DLGAP3: variants seen among roughly 807,000 people sequenced by gnomAD.
DLGAP3 encodes the protein DLG associated protein 3.
Under a neutral mutation model 81.2 loss-of-function variants are expected in DLGAP3, and 17 were observed. The observed-to-expected ratio is 0.21, with a 90% confidence interval of 0.14 to 0.31. The LOEUF (loss-of-function observed/expected upper bound fraction) is 0.31. Among genes scored for constraint, DLGAP3 ranks in the 10% least tolerant of loss-of-function variants. DLGAP3 has a pLI of 1.00. For synonymous variants in DLGAP3, 577 were observed against 587.4 expected (o/e 0.98, Z 0.26); for missense variants, 1,124 against 1,388.0 (o/e 0.81, Z 3.02).
intron 6 of DLGAP3, 82 bp downstream of exon 6, chr1:34,885,990 C>A: frequency 1.4e-6 from 2 of 1,394,176 alleles, no homozygotes; most frequent in Non-Finnish European, 2.0e-6. Context: ...CGGGTCACAG[C>A]ACAGTCGAGG....
chr1:34,927,318 A>G (rs1476944303), intron 1 of DLGAP3, among the ~76,000 whole-genome samples: 1 of 152,228 alleles, frequency 6.6e-6, no homozygotes, highest in Non-Finnish European at 1.5e-5. Context: ...CTCGTCTAAG[A>G]TTAGCCTAGG....
intron 5 of DLGAP3, among the ~76,000 whole-genome samples, chr1:34,899,278 C>T (rs1218160290): frequency 6.6e-6 from 1 of 152,154 alleles, no homozygotes; most frequent in Non-Finnish European, 1.5e-5. Context: ...CCGTGTTAGC[C>T]AGGCTGGTCT....
Position 34,888,337 on chromosome 1 carries a change from T to C in DLGAP3, c.1387-2052A>G, listed in dbSNP as rs560447457. On this transcript the variant is annotated intron_variant, in intron 5 of 11. Transcript: ENST00000373347. ...AGACCCAGAGAGGGCAGGTGAATTG[T>C]CTGAGGATGCCCAGCTGGTAGGTGA... Among the ~76,000 whole-genome samples, 19 of 152,312 alleles carry C rather than the reference T, an allele frequency of 1.2e-4. No homozygotes were observed. The South Asian group carries it at 3.5e-3, about 28-fold the overall frequency.
At position 34,889,481 on chromosome 1, in the gene DLGAP3, A is replaced by G. The variant is rs573420268; in HGVS notation, c.1387-3196T>C. On this transcript the variant is annotated intron_variant, in intron 5 of 11. Coordinates refer to ENST00000373347, the MANE Select transcript of DLGAP3 (RefSeq NM_001080418.3). ...ACCCTGCTTCCCCCAACATCCATTT[A>G]CAGGAGACTCAAAGTCAAAGAATCC... is the stretch of plus-strand genomic sequence containing the variant. 1.1e-4 allele frequency among the ~76,000 whole-genome samples: 16 copies of G among 152,348 alleles called. No individual in the cohort carries two copies. In the South Asian group the frequency reaches 3.3e-3, roughly 32 times the overall value.
chr1:34,897,604 C>T (rs1045622815), intron 5 of DLGAP3, among the ~76,000 whole-genome samples: 1 of 152,236 alleles, frequency 6.6e-6, no homozygotes, highest in East Asian at 1.9e-4. Flanking sequence ...TGGTTAGGTT[C>T]TTGATGTTTA....
intron 5 of DLGAP3, among the ~76,000 whole-genome samples, chr1:34,889,853 G>A (rs1639286857): frequency 6.6e-6 from 1 of 152,226 alleles, no homozygotes; most frequent in Admixed American, 6.5e-5. Context: ...AGCCAATGCT[G>A]CAAACAGCCC....
At chr1:34,880,428 T>C (rs922946897) in intron 8 of DLGAP3, among the ~76,000 whole-genome samples, 1 of 152,018 alleles carries the variant, frequency 6.6e-6, no homozygotes, top group Non-Finnish European at 1.5e-5. Context: ...CATAAATACA[T>C]GGTATTGGAA....
Position 34,904,723 on chromosome 1 carries a change from T to C in DLGAP3, c.661A>G (p.Thr221Ala), listed in dbSNP as rs1446183242. 6.2e-7 allele frequency: 1 copy of C among 1,612,464 alleles called. No homozygotes were observed. The highest frequency in any genetic ancestry group is 1.1e-5 in the South Asian group (1 of 91,068). The change falls in exon 3 of 12, where the codon ACC becomes GCC. Residue 221 changes from threonine to alanine, a missense_variant. Thr to Ala is a moderately conservative substitution (Grantham distance 58). Transcript: ENST00000373347. The surrounding 1 kb of genome is among the most constrained non-coding windows in gnomAD (Gnocchi z 8.1). ...TGGTGGTGATGGTGGTGATGGGAGGTGTGGGGGCCTCCAGAGCCCGGGCCG... is the reference window on the plus strand; with the variant it reads ...TGGTGGTGATGGTGGTGATGGGAGGCGTGGGGGCCTCCAGAGCCCGGGCCG... ...YPGPGSGGPH[T>A]SHHHHHHHHH...
intron 3 of DLGAP3, among the ~76,000 whole-genome samples, chr1:34,901,020 C>T (rs548527240): frequency 3.6e-4 from 55 of 152,066 alleles, no homozygotes; most frequent in African/African-American, 1.1e-3. Context: ...AGGGTGCTGC[C>T]GCTCACTGAG....
intron 8 of DLGAP3, among the ~76,000 whole-genome samples, chr1:34,875,872 CG>C (rs1220350351): frequency 2.0e-5 from 3 of 152,234 alleles, no homozygotes; most frequent in Non-Finnish European, 4.4e-5. Flanking sequence ...GTTCATCCTT[CG>C]GATCTCCACC....
rs375795603 is a variant in DLGAP3 at position 34,868,595 on chromosome 1, C to T, written c.2485+10G>A. ...CCCCAGAGTCCCCTTGTTCCGATGC[C>T]GTGACTCACTCTCCTCGGGTAGCTC... On this transcript the variant is annotated intron_variant, in intron 9 of 11. Coordinates refer to ENST00000373347, the MANE Select transcript of DLGAP3 (RefSeq NM_001080418.3). The surrounding 1 kb of genome is among the most constrained non-coding windows in gnomAD (Gnocchi z 7.5). 7.7e-5 allele frequency: 124 copies of T among 1,608,646 alleles called. No individual in the cohort carries two copies. Among genetic ancestry groups the T allele is most frequent in the Non-Finnish European group, 9.0e-5 (106 of 1,176,694 alleles).
In DLGAP3 at chr1:34,868,538, C is replaced by CA; in HGVS notation, c.2485+66dup. 1 of 1,398,248 alleles carries CA rather than the reference C, an allele frequency of 7.2e-7. No individual in the cohort carries two copies. Among genetic ancestry groups the CA allele is most frequent in the Non-Finnish European group, 1.0e-6 (1 of 990,118 alleles). 86.6% of individuals were successfully genotyped at this position (1,398,248 alleles called of 1,614,324 possible). A position where few individuals can be genotyped will look rare whatever the true frequency, so the allele number is the denominator to read the frequency against. ...ACACTGCAGCCCCAGCCACCCCCAT[C>CA]AGGGTCTCCTGAGCACACACGAGGC... On this transcript the variant is annotated intron_variant, in intron 9 of 11. Coordinates refer to ENST00000373347, the MANE Select transcript of DLGAP3 (RefSeq NM_001080418.3). This position sits in a 1 kb window ranked among gnomAD's most constrained non-coding sequence, Gnocchi z 7.5.
rs1054113008 is a variant in DLGAP3 at position 34,904,982 on chromosome 1, A to G, written c.402T>C (p.Asp134=). 3 of 1,613,256 alleles carry G rather than the reference A, an allele frequency of 1.9e-6. No individual in the cohort carries two copies. The highest frequency in any genetic ancestry group is 2.5e-6 in the Non-Finnish European group (3 of 1,179,692). Reference sequence around the variant, plus strand: ...GCTGGTATGGTAGTGTGTGGAAGCCATCTTGTTGAACTGGCAACTGCTTTT... The same window carrying G: ...GCTGGTATGGTAGTGTGTGGAAGCCGTCTTGTTGAACTGGCAACTGCTTTT... ...QFEKQLPVQQ[D]GFHTLPYQRG... is the part of the protein sequence containing the mutation. The change falls in exon 3 of 12, where the codon GAT becomes GAC. Residue 134 remains aspartate (D), a synonymous_variant. Coordinates refer to ENST00000373347, the MANE Select transcript of DLGAP3 (RefSeq NM_001080418.3). The surrounding 1 kb of genome is among the most constrained non-coding windows in gnomAD (Gnocchi z 8.1).
intron 8 of DLGAP3, among the ~76,000 whole-genome samples, chr1:34,883,941 G>A (rs912287657): frequency 3.3e-5 from 5 of 151,934 alleles, no homozygotes; most frequent in African/African-American, 1.2e-4. Context: ...TTTTTTTTGA[G>A]ATAGTCTCAC....
In DLGAP3 at chr1:34,904,072, A is replaced by T. The variant is rs1208401999; in HGVS notation, c.1107+205T>A. Among the ~76,000 whole-genome samples, 2 of 152,230 alleles carry T rather than the reference A, an allele frequency of 1.3e-5. No homozygotes were observed. The highest frequency in any genetic ancestry group is 4.8e-5 in the African/African-American group (2 of 41,464). ...CTAGGGACAGACACATCATTAGAAC[A>T]GAAGGGCCCCTTCATTGCACAAATG... On this transcript the variant is annotated intron_variant, in intron 3 of 11. Transcript: ENST00000373347. The surrounding 1 kb of genome is among the most constrained non-coding windows in gnomAD (Gnocchi z 8.1).
At chr1:34,879,225 C>T (rs1032681763) in intron 8 of DLGAP3, among the ~76,000 whole-genome samples, 3 of 152,038 alleles carry the variant, frequency 2.0e-5, no homozygotes, top group African/African-American at 4.8e-5. Flanking sequence ...TTCAACTCAT[C>T]ATAATGTAGA....
intron 11 of DLGAP3, 95 bp downstream of exon 11, chr1:34,866,953 T>G: frequency 6.9e-7 from 1 of 1,447,538 alleles, no homozygotes; most frequent in Non-Finnish European, 9.7e-7. Context: ...CATGGATCCC[T>G]TCCCCTGCCC....
rs987465721 is a variant in DLGAP3 at position 34,907,830 on chromosome 1, G to A, written c.-134-393C>T. ...TTTAAGAGTGGTCCCTGTCCTCGAGGGGTTTATAGTCTAACAGGGGAACAA... is the reference window on the plus strand; with the variant it reads ...TTTAAGAGTGGTCCCTGTCCTCGAGAGGTTTATAGTCTAACAGGGGAACAA... On this transcript the variant is annotated intron_variant, in intron 1 of 11. Coordinates refer to ENST00000373347, the MANE Select transcript of DLGAP3 (RefSeq NM_001080418.3). 2.0e-5 allele frequency among the ~76,000 whole-genome samples: 3 copies of A among 152,140 alleles called. No individual in the cohort carries two copies. In the South Asian group the frequency reaches 6.2e-4, roughly 32 times the overall value.
chr1:34,920,531 G>C (rs1211815511), intron 1 of DLGAP3, among the ~76,000 whole-genome samples: 1 of 152,156 alleles, frequency 6.6e-6, no homozygotes, highest in Non-Finnish European at 1.5e-5. Flanking sequence ...GCACATGCAT[G>C]TACATTTGTG....
Sources: allele counts gnomAD v4.1 joint callset (sites outside exome capture counted in the v4.1 genomes callset), GRCh38; gene constraint gnomAD v4.1.1; non-coding constraint Gnocchi (gnomAD v3.1); transcripts MANE v1.5; gene names NCBI Gene and HGNC (gene_info 2026-07-23, HGNC 2026-07-21).